Variants in VAMP7 observed in about 807,000 individuals in gnomAD.
VAMP7 encodes the protein vesicle associated membrane protein 7.
In VAMP7, 14 loss-of-function variants were observed where a neutral mutation model predicts 29.6. The ratio of observed to expected loss-of-function variants is 0.47; its 90% CI spans 0.31 to 0.74. The LOEUF is 0.74. Among genes scored for constraint, VAMP7 ranks in the 30% least tolerant of loss-of-function variants. VAMP7 has a pLI of 0.05. For synonymous variants in VAMP7, 95 were observed against 88.1 expected (o/e 1.08, Z -0.44); for missense variants, 223 against 262.4 (o/e 0.85, Z 1.04).
chrX:155,931,833 G>C (rs2066562440), intron 6 of VAMP7, among the ~76,000 whole-genome samples: 1 of 152,028 alleles, frequency 6.6e-6, no homozygotes, highest in South Asian at 2.1e-4. Flanking sequence ...GGGTTTTTAT[G>C]GTTTTAGGTC....
intron 5 of VAMP7, among the ~76,000 whole-genome samples, chrX:155,913,212 T>C (rs1377163781): frequency 6.6e-6 from 1 of 152,204 alleles, no homozygotes; most frequent in Non-Finnish European, 1.5e-5. Flanking sequence ...CACACACTTT[T>C]TGATGGGGTT....
At chrX:155,911,037 C>T (rs377347297) in intron 5 of VAMP7, among the ~76,000 whole-genome samples, 1 of 152,044 alleles carries the variant, frequency 6.6e-6, no homozygotes, top group African/African-American at 2.4e-5. Context: ...AGTGTTTCCC[C>T]TATGTTTTCT....
chrX:155,903,564 T>A (rs1260940239), intron 5 of VAMP7, among the ~76,000 whole-genome samples: 1 of 151,942 alleles, frequency 6.6e-6, no homozygotes, highest in Non-Finnish European at 1.5e-5. Flanking sequence ...CAGACACTTC[T>A]CAAAAGAAGA....
chrX:155,924,987 C>T, intron 6 of VAMP7, among the ~76,000 whole-genome samples: 1 of 152,326 alleles, frequency 6.6e-6, no homozygotes, highest in East Asian at 1.9e-4. Context: ...CAAGAAACCA[C>T]TTTCCTTGCC....
chrX:155,892,146 G>A (rs1234075641), intron 2 of VAMP7, among the ~76,000 whole-genome samples: 1 of 152,124 alleles, frequency 6.6e-6, no homozygotes, highest in Non-Finnish European at 1.5e-5. Flanking sequence ...TTATCTGTCT[G>A]CCATGCCTCT....
chrX:155,900,538 G>A lies in VAMP7; in HGVS notation c.384G>A (p.Glu128=). The A allele has an allele frequency of 6.2e-7, 1 of 1,611,100 alleles. No individual in the cohort carries two copies. The change falls in exon 5 of 8, where the codon GAG becomes GAA. Residue 128 remains glutamate (E), a synonymous_variant. Coordinates refer to ENST00000286448, the MANE Select transcript of VAMP7 (RefSeq NM_005638.6). ...ATAAGGGCCTAGACAAAGTGATGGA[G>A]ACTCAAGCCCAAGTGGATGAACTGA... is the stretch of plus-strand genomic sequence containing the variant. ...SENKGLDKVM[E]TQAQVDELKG... is the part of the protein sequence containing the mutation.
At chrX:155,935,331 G>T (rs1378370337) in intron 6 of VAMP7, among the ~76,000 whole-genome samples, 1 of 152,038 alleles carries the variant, frequency 6.6e-6, no homozygotes, top group African/African-American at 2.4e-5. Context: ...TCACTTTCAG[G>T]TACACCAATC....
intron 5 of VAMP7, among the ~76,000 whole-genome samples, chrX:155,910,669 T>C (rs1249150985): frequency 6.6e-6 from 1 of 151,984 alleles, no homozygotes. Context: ...TAACATGATA[T>C]CTCATTTTGG....
At chrX:155,885,891 C>T (rs916523082) in intron 1 of VAMP7, among the ~76,000 whole-genome samples, 3 of 152,236 alleles carry the variant, frequency 2.0e-5, no homozygotes, top group Non-Finnish European at 2.9e-5. Flanking sequence ...AACTGGTAGG[C>T]GATACATTTC....
chrX:155,909,918 G>C (rs148246046), intron 5 of VAMP7, among the ~76,000 whole-genome samples: 2,167 of 152,216 alleles, frequency 0.014, 56 homozygotes, highest in African/African-American at 0.049. Context: ...GTGTCCATCA[G>C]CTCAAGAATT....
chrX:155,903,327 A>G (rs1309842088), intron 5 of VAMP7, among the ~76,000 whole-genome samples: 2 of 152,310 alleles, frequency 1.3e-5, no homozygotes, highest in East Asian at 3.9e-4. Context: ...ACCAAAAGCA[A>G]TGGCAACAAA....
At chrX:155,925,892 A>G (rs1371506139) in intron 6 of VAMP7, among the ~76,000 whole-genome samples, 3 of 151,168 alleles carry the variant, frequency 2.0e-5, no homozygotes, top group African/African-American at 7.4e-5. Context: ...TCACACAGGC[A>G]TGAAAACGAC....
chrX:155,899,429 G>T (rs1369961286), intron 4 of VAMP7, among the ~76,000 whole-genome samples: 1 of 151,896 alleles, frequency 6.6e-6, no homozygotes, highest in Non-Finnish European at 1.5e-5. Flanking sequence ...GTATAAAGAC[G>T]TAAGCTCTAG....
At chrX:155,931,549 G>A (rs1603010530) in intron 6 of VAMP7, among the ~76,000 whole-genome samples, 2 of 152,274 alleles carry the variant, frequency 1.3e-5, no homozygotes, top group Admixed American at 1.3e-4. Context: ...CCCACTTGTT[G>A]ATGGGGTTGT....
chrX:155,888,845 T>G (rs1339658552), intron 1 of VAMP7, among the ~76,000 whole-genome samples: 1 of 152,168 alleles, frequency 6.6e-6, no homozygotes. Context: ...GCTCTGTAAT[T>G]TGGGGGAAAT....
chrX:155,884,605 A>T (rs1268524610), intron 1 of VAMP7, among the ~76,000 whole-genome samples: 1 of 152,232 alleles, frequency 6.6e-6, no homozygotes, highest in African/African-American at 2.4e-5. Context: ...AGATGTAAAC[A>T]TTAAGCATTG....
intron 5 of VAMP7, among the ~76,000 whole-genome samples, chrX:155,910,667 T>TA (rs2066224802): frequency 6.6e-6 from 1 of 151,980 alleles, no homozygotes; most frequent in Non-Finnish European, 1.5e-5. Context: ...GGTAACATGA[T>TA]ATCTCATTTT....
At chrX:155,911,816 G>T (rs2066241572) in intron 5 of VAMP7, among the ~76,000 whole-genome samples, 1 of 152,078 alleles carries the variant, frequency 6.6e-6, no homozygotes, top group Non-Finnish European at 1.5e-5. Flanking sequence ...TCTGTATCCT[G>T]CAACTTTACT....
intron 6 of VAMP7, among the ~76,000 whole-genome samples, chrX:155,928,215 AC>A (rs1407324794): frequency 6.6e-6 from 1 of 152,092 alleles, no homozygotes; most frequent in Non-Finnish European, 1.5e-5. Context: ...GAGCCACCAC[AC>A]CTGGCCCCCT....
Sources: gnomAD v4.1 joint callset for allele counts (sites outside exome capture counted in the v4.1 genomes callset) on GRCh38, gnomAD v4.1.1 for gene constraint, MANE v1.5 for transcripts, NCBI Gene and HGNC (gene_info 2026-07-23, HGNC 2026-07-21) for gene names.